Variants in LRRFIP1 observed in about 807,000 individuals in gnomAD.
LRRFIP1 encodes the protein LRR binding FLII interacting protein 1, also known as leucine-rich repeat flightless-interacting protein 1.
LRRFIP1 carries 62 observed loss-of-function variants against 104.4 expected under a neutral mutation model. That is an observed-to-expected ratio of 0.59 (90% CI 0.48 to 0.73). The LOEUF is 0.73. Ranked by LOEUF, LRRFIP1 falls within the 30% of genes least tolerant of loss-of-function variation. The pLI is 0.00. For missense variants in LRRFIP1, 796 were observed against 824.5 expected (o/e 0.97, Z 0.42); for synonymous variants, 300 against 299.0 (o/e 1.00, Z -0.03).
At chr2:237,630,916 C>G (rs537524022) in intron 1 of LRRFIP1, among the ~76,000 whole-genome samples, 5 of 152,350 alleles carry the variant, frequency 3.3e-5, no homozygotes, top group Non-Finnish European at 7.3e-5. Context: ...TCTGGTGGCT[C>G]TCTCCAGAGA....
intron 1 of LRRFIP1, among the ~76,000 whole-genome samples, chr2:237,688,328 T>TG (rs1402417753): frequency 6.6e-6 from 1 of 152,190 alleles, no homozygotes; most frequent in Non-Finnish European, 1.5e-5. Context: ...TAGAAGGGGC[T>TG]GTCCCTGGAT....
chr2:237,742,105 G>T (rs371829818), intron 11 of LRRFIP1, among the ~76,000 whole-genome samples: 3 of 152,228 alleles, frequency 2.0e-5, no homozygotes, highest in African/African-American at 7.2e-5. Context: ...CGAAGAGACT[G>T]AAATGATACA....
At chr2:237,769,144 C>T (rs1166532095) in intron 19 of LRRFIP1, 3 of 151,954 alleles carry the variant, frequency 2.0e-5, no homozygotes, top group Admixed American at 1.3e-4. Flanking sequence ...GTACCTGTGT[C>T]AGAGCGAGTG....
At chr2:237,728,443 G>T (rs1480622735) in intron 8 of LRRFIP1, among the ~76,000 whole-genome samples, 2 of 151,840 alleles carry the variant, frequency 1.3e-5, no homozygotes, top group Non-Finnish European at 2.9e-5. Flanking sequence ...GGGGTGGGAG[G>T]CAGGAAGGAG....
intron 1 of LRRFIP1, among the ~76,000 whole-genome samples, chr2:237,658,738 AACTC>A (rs2087286107): frequency 6.6e-6 from 1 of 152,250 alleles, no homozygotes; most frequent in African/African-American, 2.4e-5. Flanking sequence ...ATCTTATGAG[AACTC>A]ACTCACTATC....
At chr2:237,631,206 G>A (rs1289262301) in intron 1 of LRRFIP1, among the ~76,000 whole-genome samples, 1 of 152,248 alleles carries the variant, frequency 6.6e-6, no homozygotes, top group Non-Finnish European at 1.5e-5. Flanking sequence ...CTTCTGGAGA[G>A]TAAGTGGAAA....
At chr2:237,645,908 G>A (rs3820819) in intron 1 of LRRFIP1, among the ~76,000 whole-genome samples, 71,715 of 151,596 alleles carry the variant, frequency 0.47, 17,731 homozygotes, top group East Asian at 0.63. Flanking sequence ...TCTAGGGAGC[G>A]CTGCAAATGG....
intron 1 of LRRFIP1, among the ~76,000 whole-genome samples, chr2:237,655,915 A>G (rs2086744686): frequency 6.6e-6 from 1 of 152,224 alleles, no homozygotes; most frequent in Non-Finnish European, 1.5e-5. Flanking sequence ...CAGGGTGGAC[A>G]TCGCTTTCCA....
chr2:237,759,994 A>G (rs2059692363), intron 18 of LRRFIP1, 70 bp from the exon 19 acceptor site: 1 of 1,435,132 alleles, frequency 7.0e-7, no homozygotes, highest in Middle Eastern at 2.2e-4. Context: ...CTTTTTTATT[A>G]TTGTATTAAA....
At chr2:237,697,318 C>T (rs552821676) in intron 1 of LRRFIP1, among the ~76,000 whole-genome samples, 5 of 152,310 alleles carry the variant, frequency 3.3e-5, no homozygotes, top group African/African-American at 1.2e-4. Context: ...CCACCACACC[C>T]GGCCCAATGA....
intron 1 of LRRFIP1, among the ~76,000 whole-genome samples, chr2:237,659,402 GAT>G (rs951047722): frequency 5.9e-4 from 90 of 151,656 alleles, no homozygotes; most frequent in African/African-American, 2.1e-3. Context: ...GGCAGAAAAG[GAT>G]ATGTTATTAA....
At position 237,627,684 on chromosome 2, in the gene LRRFIP1, C is replaced by A. The variant is rs2081740798; in HGVS notation, c.40C>A (p.Pro14Thr). ...GTQGSGRKRLPNRERLTAEDD... is the reference protein window; with the variant it reads ...GTQGSGRKRLTNRERLTAEDD... The stretch of plus-strand genomic sequence containing the variant: ...CCAGGGATCGGGGCGCAAGCGGCTC[C>A]CCAACCGGGAGCGGCTCACGGCGGA... The change falls in exon 1 of 24, where the codon CCC (proline) becomes ACC (threonine). Residue 14 changes from proline (P) to threonine (T), a missense_variant. Transcript: ENST00000308482. 7.3e-7 allele frequency: 1 copy of A among 1,372,100 alleles called. No homozygotes were observed. The allele number at this position is 1,372,100 out of a possible 1,614,324, so 85.0% of individuals were successfully genotyped here.
Position 237,627,735 on chromosome 2 carries a change from C to A in LRRFIP1, c.91C>A (p.Arg31=). ...GGACGACGCGCTCAACCAGATCGCG[C>A]GGGAGGTGAGCGCTCCGGGAGGGCA... ...AEDDALNQIA[R]EAEARLAAKR... Residue 31 remains arginine (R), a synonymous_variant, in exon 1 of 24, where the codon CGG becomes AGG. Coordinates refer to ENST00000308482, the MANE Select transcript of LRRFIP1 (RefSeq NM_001137550.2). 1 of 1,304,124 alleles carries A rather than the reference C, an allele frequency of 7.7e-7. No homozygotes were observed. The highest frequency in any genetic ancestry group is 9.8e-7 in the Non-Finnish European group (1 of 1,018,642). The allele number at this position is 1,304,124 out of a possible 1,614,324, so 80.8% of individuals were successfully genotyped here.
intron 1 of LRRFIP1, among the ~76,000 whole-genome samples, chr2:237,634,358 C>G (rs2082799810): frequency 6.6e-6 from 1 of 152,234 alleles, no homozygotes; most frequent in African/African-American, 2.4e-5. Flanking sequence ...CTGCATCACA[C>G]TATAGTTCAT....
At chr2:237,723,411 C>T (rs1359021316) in intron 6 of LRRFIP1, 137 bp from the exon 7 acceptor site, 1 of 811,652 alleles carries the variant, frequency 1.2e-6, no homozygotes, top group Admixed American at 2.2e-5. Flanking sequence ...CATATTAGAT[C>T]CTAGAAATTA....
At chr2:237,759,980 TTTTC>T (rs2059690682) in intron 18 of LRRFIP1, 80 bp from the exon 19 acceptor site, 2 of 1,344,742 alleles carry the variant, frequency 1.5e-6, no homozygotes, top group Non-Finnish European at 2.1e-6. Context: ...GAAAAAATGG[TTTTC>T]TTTTTTATTA....
chr2:237,719,810 T>G (rs2094472818), intron 5 of LRRFIP1, among the ~76,000 whole-genome samples: 1 of 152,176 alleles, frequency 6.6e-6, no homozygotes, highest in South Asian at 2.1e-4. Context: ...TTTTCAGTAT[T>G]AATATATTCA....
At chr2:237,760,301 G>A in intron 19 of LRRFIP1, 96 bp downstream of exon 19, 19 of 1,329,616 alleles carry the variant, frequency 1.4e-5, no homozygotes, top group Non-Finnish European at 2.0e-5. Context: ...GTCGCTGATG[G>A]GTTAACAGTC....
intron 8 of LRRFIP1, chr2:237,729,836 G>C: frequency 1.0e-6 from 1 of 985,318 alleles, no homozygotes. Context: ...CCAGGGAGGA[G>C]AAGTTGGTTG....
Sources: gnomAD v4.1 joint callset for allele counts (sites outside exome capture counted in the v4.1 genomes callset) on GRCh38, gnomAD v4.1.1 for gene constraint, MANE v1.5 for transcripts, NCBI Gene and HGNC (gene_info 2026-07-23, HGNC 2026-07-21) for gene names.